The following NRG1 variants were observed in gnomAD, a reference collection of about 807,000 sequenced individuals.
NRG1 encodes the protein pro-neuregulin-1, membrane-bound isoform.
Under a neutral mutation model 63.8 loss-of-function variants are expected in NRG1, and 18 were observed. The observed-to-expected ratio is 0.28, with a 90% CI of 0.19 to 0.42. NRG1 has a LOEUF of 0.42. Ranked by LOEUF, NRG1 falls within the 10% of genes least tolerant of loss-of-function variation. The pLI, the probability that NRG1 is intolerant of heterozygous loss-of-function variation, is 1.00. For missense variants in NRG1, 762 were observed against 814.7 expected (o/e 0.94, Z 0.79); for synonymous variants, 302 against 301.3 (o/e 1.00, Z -0.02).
intron 1 of NRG1, among the ~76,000 whole-genome samples, chr8:32,467,744 C>T (rs1443085049): frequency 6.6e-6 from 1 of 152,160 alleles, no homozygotes; most frequent in Non-Finnish European, 1.5e-5. Context: ...AGGAGAGAAA[C>T]AGTCAGAGGG....
chr8:32,570,666 T>C (rs547496256), intron 1 of NRG1, among the ~76,000 whole-genome samples: 18 of 152,208 alleles, frequency 1.2e-4, no homozygotes, highest in Non-Finnish European at 2.1e-4. Flanking sequence ...ACATTCAGTG[T>C]ATTTCCCAGC....
At chr8:31,714,185 A>C (rs1320923174) in intron 1 of NRG1, among the ~76,000 whole-genome samples, 1 of 151,584 alleles carries the variant, frequency 6.6e-6, no homozygotes, top group Non-Finnish European at 1.5e-5. Context: ...TTTATGATTA[A>C]GGAGTTTATT....
At chr8:32,758,693 A>C (rs1383662023) in intron 9 of NRG1, among the ~76,000 whole-genome samples, 2 of 152,028 alleles carry the variant, frequency 1.3e-5, no homozygotes, top group East Asian at 3.9e-4. Flanking sequence ...GTGCTTTGTC[A>C]AGATGTGTGC....
chr8:31,824,539 C>G (rs948510791), intron 1 of NRG1, among the ~76,000 whole-genome samples: 1 of 152,046 alleles, frequency 6.6e-6, no homozygotes, highest in East Asian at 1.9e-4. Flanking sequence ...CATCAATGGC[C>G]CCTACTTCTG....
intron 5 of NRG1, among the ~76,000 whole-genome samples, chr8:32,702,739 C>T (rs2128963020): frequency 6.6e-6 from 1 of 152,222 alleles, no homozygotes; most frequent in African/African-American, 2.4e-5. Context: ...TCCTCGGCCT[C>T]CCAAAGTGCT....
In NRG1 at chr8:32,713,056, T is replaced by C. The variant is rs16879805; in HGVS notation, c.503-14893T>C. Among the ~76,000 whole-genome samples the C allele has an allele frequency of 2.9e-3, 437 of 152,308 alleles. 3 individuals carry two copies. Among genetic ancestry groups the C allele is most frequent in the African/African-American group, 0.01 (423 of 41,580 alleles). ...CGTGACTCAATTCCTAGCTCAGTCATCTTTTCTCTTTCGACCTTTGTGTAT... is the reference window on the plus strand; with the variant it reads ...CGTGACTCAATTCCTAGCTCAGTCACCTTTTCTCTTTCGACCTTTGTGTAT... On this transcript the variant is annotated intron_variant, in intron 5 of 11. Transcript: ENST00000356819.
chr8:32,171,020 T>C (rs1284119773), intron 1 of NRG1, among the ~76,000 whole-genome samples: 1 of 152,178 alleles, frequency 6.6e-6, no homozygotes, highest in Non-Finnish European at 1.5e-5. Flanking sequence ...CCAATATCAT[T>C]TACTCTTGTC....
intron 1 of NRG1, among the ~76,000 whole-genome samples, chr8:32,337,530 A>G (rs1475253633): frequency 6.6e-6 from 1 of 151,796 alleles, no homozygotes; most frequent in African/African-American, 2.4e-5. Context: ...TTGAATGGGG[A>G]CCACATACAT....
At chr8:31,888,360 G>A (rs912891451) in intron 1 of NRG1, among the ~76,000 whole-genome samples, 1 of 152,046 alleles carries the variant, frequency 6.6e-6, no homozygotes, top group African/African-American at 2.4e-5. Context: ...AAACAAAAGA[G>A]AATACGCTTT....
intron 1 of NRG1, among the ~76,000 whole-genome samples, chr8:31,692,211 C>T (rs1050197840): frequency 5.3e-5 from 8 of 152,188 alleles, no homozygotes; most frequent in Non-Finnish European, 1.0e-4. Context: ...ATGAACATAT[C>T]TAAATTCTTC....
chr8:31,746,269 A>AT (rs1290566682), intron 1 of NRG1, among the ~76,000 whole-genome samples: 1 of 152,008 alleles, frequency 6.6e-6, no homozygotes, highest in African/African-American at 2.4e-5. Context: ...GCCTCTCAGC[A>AT]TAACTGCTTT....
At chr8:31,982,180 G>T (rs1231920644) in intron 1 of NRG1, among the ~76,000 whole-genome samples, 2 of 152,002 alleles carry the variant, frequency 1.3e-5, no homozygotes, top group African/African-American at 4.8e-5. Context: ...TAGAGCTGTT[G>T]AAACTCACTG....
chr8:32,530,589 T>G (rs1831361434), intron 1 of NRG1, among the ~76,000 whole-genome samples: 2 of 152,228 alleles, frequency 1.3e-5, no homozygotes, highest in African/African-American at 4.8e-5. Flanking sequence ...CAAGTAGAAC[T>G]GATTTACCTT....
intron 1 of NRG1, among the ~76,000 whole-genome samples, chr8:32,097,784 G>A (rs1172686485): frequency 6.6e-6 from 1 of 152,190 alleles, no homozygotes; most frequent in East Asian, 1.9e-4. Flanking sequence ...ATGGGGGTAA[G>A]ACAATATGAG....
At chr8:32,579,195 CTTTTTTTTTTT>C (rs71208196) in intron 1 of NRG1, among the ~76,000 whole-genome samples, 4 of 105,440 alleles carry the variant, frequency 3.8e-5, no homozygotes, top group Admixed American at 2.1e-4. Flanking sequence ...TTTCTTCTGT[CTTTTTTTTTTT>C]TTTTTTTTTT....
At chr8:31,868,987 G>A (rs968866472) in intron 1 of NRG1, among the ~76,000 whole-genome samples, 24 of 152,340 alleles carry the variant, frequency 1.6e-4, no homozygotes, top group Non-Finnish European at 8.8e-5. Flanking sequence ...GGAAACTTCT[G>A]TAAAGTTAGC....
At chr8:31,770,631 G>A (rs549024003) in intron 1 of NRG1, among the ~76,000 whole-genome samples, 1 of 151,476 alleles carries the variant, frequency 6.6e-6, no homozygotes, top group East Asian at 1.9e-4. Context: ...GTGGGGGTAG[G>A]GGGGAGGGAT....
intron 1 of NRG1, among the ~76,000 whole-genome samples, chr8:32,063,972 C>G (rs1223549692): frequency 6.6e-6 from 1 of 152,004 alleles, no homozygotes; most frequent in African/African-American, 2.4e-5. Flanking sequence ...GAATGTGGAC[C>G]TGGGTCACTT....
chr8:31,687,891 G>T (rs1809070503), intron 1 of NRG1, among the ~76,000 whole-genome samples: 1 of 152,170 alleles, frequency 6.6e-6, no homozygotes, highest in Non-Finnish European at 1.5e-5. Context: ...CTTAGGTCAG[G>T]CGTTCTCTGC....
Sources: gnomAD v4.1 joint callset for allele counts (sites outside exome capture counted in the v4.1 genomes callset) on GRCh38, gnomAD v4.1.1 for gene constraint, MANE v1.5 for transcripts, NCBI Gene and HGNC (gene_info 2026-07-23, HGNC 2026-07-21) for gene names.